The following DPY19L1 variants were observed in gnomAD, a reference collection of about 807,000 sequenced individuals.
The protein encoded by DPY19L1 is dpy-19 like C-mannosyltransferase 1.
A neutral mutation model predicts 96.9 loss-of-function variants in DPY19L1; 35 were observed. The ratio of observed to expected loss-of-function variants is 0.36; its 90% CI spans 0.28 to 0.48. DPY19L1 has a LOEUF of 0.48. Among genes scored for constraint, DPY19L1 ranks in the 20% least tolerant of loss-of-function variants. DPY19L1 has a pLI of 0.99. For missense variants in DPY19L1, 521 were observed against 777.9 expected, an observed-to-expected ratio of 0.67 and a Z score of 3.93; for synonymous variants, 205 against 252.6, an observed-to-expected ratio of 0.81 and a Z score of 1.79.
chr7:34,959,749 GA>G (rs2128787409), intron 10 of DPY19L1, among the ~76,000 whole-genome samples: 1 of 151,448 alleles, frequency 6.6e-6, no homozygotes, highest in East Asian at 1.9e-4. Context: ...AGCATTAGGA[GA>G]AATACCTAAT....
intron 2 of DPY19L1, 80 bp downstream of exon 2, chr7:35,018,492 T>A (rs1229990394): frequency 3.1e-6 from 4 of 1,281,232 alleles, no homozygotes; most frequent in Non-Finnish European, 4.5e-6. Context: ...CTGAAATTAT[T>A]CCTTTAAATG....
chr7:34,954,110 G>T (rs1452893186), intron 13 of DPY19L1, among the ~76,000 whole-genome samples: 2 of 152,114 alleles, frequency 1.3e-5, no homozygotes, highest in Admixed American at 6.5e-5. Flanking sequence ...CCTGACTTAG[G>T]ATGTGCTGAT....
chr7:35,002,928 T>C (rs765311798), intron 6 of DPY19L1, among the ~76,000 whole-genome samples: 1 of 152,024 alleles, frequency 6.6e-6, no homozygotes, highest in South Asian at 2.1e-4. Context: ...GCCACCACGC[T>C]TGGCTAATTT....
At chr7:35,003,703 G>C (rs1244970979) in intron 6 of DPY19L1, among the ~76,000 whole-genome samples, 1 of 152,206 alleles carries the variant, frequency 6.6e-6, no homozygotes, top group African/African-American at 2.4e-5. Flanking sequence ...ATGTCCTGAG[G>C]AATCAGGCTC....
chr7:34,999,747 G>A (rs1296463414), intron 6 of DPY19L1, among the ~76,000 whole-genome samples: 1 of 152,098 alleles, frequency 6.6e-6, no homozygotes, highest in Non-Finnish European at 1.5e-5. Context: ...ATCTGGAGAG[G>A]AATTAATCAG....
At chr7:34,945,021 A>T (rs1043324104) in intron 16 of DPY19L1, among the ~76,000 whole-genome samples, 1 of 152,088 alleles carries the variant, frequency 6.6e-6, no homozygotes, top group Non-Finnish European at 1.5e-5. Context: ...TACTCATTCA[A>T]CTACTATCCT....
chr7:35,037,585 A>G (rs1425979520), upstream of DPY19L1: 2 of 280,288 alleles, frequency 7.1e-6, no homozygotes, highest in Non-Finnish European at 1.3e-5. Flanking sequence ...CCTGGCTGGC[A>G]GTACCGCCGG....
chr7:34,938,077 T>C lies in DPY19L1; in HGVS notation c.2007A>G (p.Ala669=). The change falls in exon 21 of 22, where the codon GCA becomes GCG. Residue 669 remains alanine, a synonymous_variant. Coordinates refer to ENST00000638088, the MANE Select transcript of DPY19L1 (RefSeq NM_001366673.1). ...KIVYSMYSRK[A]AEEVKRELIK... ...TCAGTTCTCGCTTCACTTCTTCGGC[T>C]GCTTTCCGACTATACATTGAGTATA... 1 of 1,614,024 alleles carries C rather than the reference T, an allele frequency of 6.2e-7. No homozygotes were observed. Among genetic ancestry groups the C allele is most frequent in the Non-Finnish European group, 8.5e-7 (1 of 1,179,988 alleles).
intron 15 of DPY19L1, among the ~76,000 whole-genome samples, 190 bp from the exon 16 acceptor site, chr7:34,945,906 C>A (rs1584206682): frequency 6.6e-6 from 1 of 152,146 alleles, no homozygotes; most frequent in Middle Eastern, 3.4e-3. Flanking sequence ...ATTCAACAAC[C>A]CTGTTGGGTA....
chr7:34,929,462 G>A lies in DPY19L1; in HGVS notation c.*2111C>T, dbSNP rs965878046. 6.6e-6 allele frequency: 1 copy of A among 152,208 alleles called. No individual in the cohort carries two copies. The highest frequency in any genetic ancestry group is 2.4e-5 in the African/African-American group (1 of 41,446). 9.4% of individuals were successfully genotyped at this position (152,208 alleles called of 1,614,324 possible). A position where few individuals can be genotyped will look rare whatever the true frequency, so the allele number is the denominator to read the frequency against. The stretch of plus-strand genomic sequence containing the variant: ...TTACTTTTAATGGTTCCCAGCAAAT[G>A]AAGCAGTTATAATAGTATTTTTAAT... On this transcript the variant is annotated 3_prime_UTR_variant, in exon 22 of 22. Transcript: ENST00000638088.
intron 21 of DPY19L1, among the ~76,000 whole-genome samples, chr7:34,934,462 C>G (rs908012697): frequency 7.2e-5 from 11 of 152,138 alleles, no homozygotes; most frequent in African/African-American, 2.4e-5. Context: ...CAATTCTTTA[C>G]AGACAGATAC....
chr7:35,036,807 CCCGCGGCCAGG>C (rs1331474940), intron 1 of DPY19L1, among the ~76,000 whole-genome samples: 5 of 152,000 alleles, frequency 3.3e-5, no homozygotes, highest in Admixed American at 1.3e-4. Flanking sequence ...AGACCTGCTG[CCCGCGGCCAGG>C]CCGGGCAGCT....
At chr7:34,967,415 TCTTTA>T (rs1291198474) in intron 9 of DPY19L1, among the ~76,000 whole-genome samples, 1 of 152,196 alleles carries the variant, frequency 6.6e-6, no homozygotes, top group African/African-American at 2.4e-5. Flanking sequence ...TGCTAGTCAC[TCTTTA>T]CAAGTATCTC....
At position 34,940,263 on chromosome 7, in the gene DPY19L1, A is replaced by G. The variant is rs1200436717; in HGVS notation, c.1754T>C (p.Met585Thr). 6.2e-7 allele frequency: 1 copy of G among 1,612,346 alleles called. No individual in the cohort carries two copies. The highest frequency in any genetic ancestry group is 1.9e-4 in the Middle Eastern group (1 of 5,290). Residue 585 changes from methionine (M) to threonine (T), a missense_variant, in exon 19 of 22, where the codon ATG becomes ACG. Met to Thr is a moderately conservative substitution (Grantham distance 81). Transcript: ENST00000638088. ...GAIVFAILAAMSIQGSANLQT... is the reference protein window; with the variant it reads ...GAIVFAILAATSIQGSANLQT... ...CAGATTTGCTGAACCTTGTATTGACATTGCTGCTAATATAGCAAACACAAT... is the reference window on the plus strand; with the variant it reads ...CAGATTTGCTGAACCTTGTATTGACGTTGCTGCTAATATAGCAAACACAAT...
intron 10 of DPY19L1, among the ~76,000 whole-genome samples, chr7:34,961,012 T>G (rs1374950137): frequency 6.6e-6 from 1 of 152,180 alleles, no homozygotes; most frequent in Non-Finnish European, 1.5e-5. Flanking sequence ...TCAATGAAAC[T>G]AATCAAAGAA....
intron 10 of DPY19L1, among the ~76,000 whole-genome samples, chr7:34,959,551 C>T (rs1784447469): frequency 6.6e-6 from 1 of 152,028 alleles, no homozygotes; most frequent in Non-Finnish European, 1.5e-5. Context: ...AGGATGAGTT[C>T]ATGTCCTTTG....
chr7:34,983,882 G>A (rs1357282886), intron 7 of DPY19L1, among the ~76,000 whole-genome samples: 2 of 152,024 alleles, frequency 1.3e-5, no homozygotes, highest in Admixed American at 1.3e-4. Flanking sequence ...AGTGTTCAAT[G>A]AACAAAGCAC....
intron 7 of DPY19L1, among the ~76,000 whole-genome samples, chr7:34,988,716 C>A (rs374692320): frequency 1.3e-4 from 20 of 152,144 alleles, no homozygotes; most frequent in African/African-American, 4.6e-4. Flanking sequence ...ACAAAGCAAG[C>A]TGACCTTTAT....
rs773051374 is a variant in DPY19L1, at chr7:34,966,927, T to A, written c.1059A>T (p.Ile353=). 8 of 1,544,194 alleles carry A rather than the reference T, an allele frequency of 5.2e-6. No homozygotes were observed. The South Asian group carries it at 9.9e-5, about 19-fold the overall frequency. The change falls in exon 10 of 22, where the codon ATA becomes ATT. Residue 353 remains isoleucine, a synonymous_variant. Transcript: ENST00000638088. The part of the protein sequence containing the change: ...FAVYVVGYID[I]CKLRKIIYIH... ...TATAAATGATCTTCCGTAATTTACA[T>A]ATATCAATGTACCCGACAACATATA...
Sources: allele counts gnomAD v4.1 joint callset (sites outside exome capture counted in the v4.1 genomes callset), GRCh38; gene constraint gnomAD v4.1.1; transcripts MANE v1.5; gene names NCBI Gene and HGNC (gene_info 2026-07-23, HGNC 2026-07-21).